TLN1: variants seen among roughly 807,000 people sequenced by gnomAD.
TLN1 encodes the protein talin 1, also known as talin-1.
In TLN1, 56 loss-of-function variants were observed where a neutral mutation model predicts 292.3. The ratio of observed to expected loss-of-function variants is 0.19; its 90% CI spans 0.15 to 0.24. The LOEUF (loss-of-function observed/expected upper bound fraction) is 0.24. Ranked by LOEUF, TLN1 falls within the 10% of genes least tolerant of loss-of-function variation. The pLI is 1.00. For missense variants in TLN1, 2,433 were observed against 3,248.2 expected (o/e 0.75, Z 6.10); for synonymous variants, 1,119 against 1,253.7 (o/e 0.89, Z 2.27).
Position 35,714,344 on chromosome 9 carries a change from C to T in TLN1, c.3015G>A (p.Lys1005=), listed in dbSNP as rs1489604053. ...QPGGKMVAAA[K]ASVPTIQDQA... ...GGTCCTGAATCGTTGGCACTGAGGC[C>T]TTTGCAGCTGCCACCATCTTCCCAC... Residue 1005 remains lysine (K), a synonymous_variant, in exon 24 of 57, where the codon AAG becomes AAA. Transcript: ENST00000314888. The surrounding 1 kb of genome is among the most constrained non-coding windows in gnomAD (Gnocchi z 4.6). 1.9e-6 allele frequency: 3 copies of T among 1,612,660 alleles called. No individual in the cohort carries two copies. The highest frequency in any genetic ancestry group is 2.2e-5 in the East Asian group (1 of 44,860).
Position 35,698,209 on chromosome 9 carries a change from G to A in TLN1, c.7372-37C>T, listed in dbSNP as rs1391593637. ...GAAAGTGGCCTAGGTTGAGAACTCA[G>A]GTACGGTCCCAGTTGAGACAGTACC... On this transcript the variant is annotated intron_variant, in intron 55 of 56. Coordinates refer to ENST00000314888, the MANE Select transcript of TLN1 (RefSeq NM_006289.4). This position sits in a 1 kb window ranked among gnomAD's most constrained non-coding sequence, Gnocchi z 5.3. 6.2e-7 allele frequency: 1 copy of A among 1,612,824 alleles called. No homozygotes were observed. The highest frequency in any genetic ancestry group is 1.3e-5 in the African/African-American group (1 of 74,904).
In TLN1 at chr9:35,724,511, T is replaced by C; in HGVS notation, c.511+61A>G. The C allele has an allele frequency of 6.3e-7, 1 of 1,586,490 alleles. No homozygotes were observed. Among genetic ancestry groups the C allele is most frequent in the East Asian group, 2.2e-5 (1 of 44,632 alleles). On this transcript the variant is annotated intron_variant, in intron 5 of 56. Coordinates refer to ENST00000314888, the MANE Select transcript of TLN1 (RefSeq NM_006289.4). This position sits in a 1 kb window ranked among gnomAD's most constrained non-coding sequence, Gnocchi z 4.7. ...TAAAACAGTGCCTGGCAGAAGCAGA[T>C]GCTGAAGCCCCTTCCCACCCTTCCC...
In TLN1 at chr9:35,717,119, T is replaced by C. The variant is rs1825799041; in HGVS notation, c.2458+27A>G. 1 of 1,569,520 alleles carries C rather than the reference T, an allele frequency of 6.4e-7. No homozygotes were observed. Among genetic ancestry groups the C allele is most frequent in the Non-Finnish European group, 8.7e-7 (1 of 1,152,942 alleles). On this transcript the variant is annotated intron_variant, in intron 19 of 56. Coordinates refer to ENST00000314888, the MANE Select transcript of TLN1 (RefSeq NM_006289.4). This position sits in a 1 kb window ranked among gnomAD's most constrained non-coding sequence, Gnocchi z 4.7. Reference sequence around the variant, plus strand: ...GCTTAGGGAACCCTGGTAGGGTTTTTTGTTTTCCTGGGGGTGCGTGTCTTA... The same window carrying C: ...GCTTAGGGAACCCTGGTAGGGTTTTCTGTTTTCCTGGGGGTGCGTGTCTTA...
rs1345707115 is a variant in TLN1 at position 35,723,748 on chromosome 9, AG to A, written c.782+203del. 7 of 679,522 alleles carry A rather than the reference AG, an allele frequency of 1.0e-5. No homozygotes were observed. In the African/African-American group the frequency reaches 1.3e-4, roughly 12 times the overall value. 42.1% of individuals were successfully genotyped at this position (679,522 alleles called of 1,614,324 possible). On this transcript the variant is annotated intron_variant, in intron 7 of 56. Transcript: ENST00000314888. ...TTGCTTCAGAGATGGGGGTAGGGGCAGAGATACTGAACTACATTCATATTCC... is the reference window on the plus strand; with the variant it reads ...TTGCTTCAGAGATGGGGGTAGGGGCAAGATACTGAACTACATTCATATTCC...
Position 35,720,805 on chromosome 9 carries a change from T to C in TLN1, c.1206+7A>G, listed in dbSNP as rs375878880. 614 of 1,613,170 alleles carry C rather than the reference T, an allele frequency of 3.8e-4. 4 individuals are homozygous for C. The Middle Eastern group carries it at 9.3e-3, about 24-fold the overall frequency. ...ATAAGGAGAAGGCTAGGGCAGGCAG[T>C]GCTCACCTTCTTCAGGATGATATCG... On this transcript the variant is annotated splice_region_variant and intron_variant, in intron 11 of 56. Transcript: ENST00000314888.
chr9:35,707,143 C>T lies in TLN1; in HGVS notation c.4884G>A (p.Pro1628=), dbSNP rs143916604. The change falls in exon 37 of 57, where the codon CCG becomes CCA. Residue 1628 remains proline (P), a synonymous_variant. Coordinates refer to ENST00000314888, the MANE Select transcript of TLN1 (RefSeq NM_006289.4). This position sits in a 1 kb window ranked among gnomAD's most constrained non-coding sequence, Gnocchi z 5.6. ...AGTGGCCGGCCAGCACCGACCAGCT[C>T]GGGGGGTCCCGGGGATTGACTGCGA... ...RALAVNPRDP[P]SWSVLAGHSR... is the part of the protein sequence containing the mutation. The T allele has an allele frequency of 1.4e-5, 22 of 1,610,274 alleles. No individual in the cohort carries two copies. The African/African-American group carries it at 1.7e-4, about 13-fold the overall frequency.
At position 35,699,773 on chromosome 9, in the gene TLN1, A is replaced by G; in HGVS notation, c.6768+201T>C. 1.2e-6 allele frequency: 1 copy of G among 841,970 alleles called. No homozygotes were observed. 52.2% of individuals were successfully genotyped at this position (841,970 alleles called of 1,614,324 possible). A position where few individuals can be genotyped will look rare whatever the true frequency, so the allele number is the denominator to read the frequency against. On this transcript the variant is annotated intron_variant, in intron 50 of 56. Transcript: ENST00000314888. This position sits in a 1 kb window ranked among gnomAD's most constrained non-coding sequence, Gnocchi z 4.0. ...AGAAAAGAAAAAGAGGAAGAGGAAG[A>G]GGTGACTGGGAGAACCAAAGATGAT...
chr9:35,706,172 C>T lies in TLN1; in HGVS notation c.5361+24G>A, dbSNP rs1325718044. 1 of 1,610,374 alleles carries T rather than the reference C, an allele frequency of 6.2e-7. No individual in the cohort carries two copies. ...TTCTCCAGCCTCCTGCTAGTAACAG[C>T]TCCTCCCTCCCAACCCTCAATACCT... On this transcript the variant is annotated intron_variant, in intron 40 of 56. Coordinates refer to ENST00000314888, the MANE Select transcript of TLN1 (RefSeq NM_006289.4). This position sits in a 1 kb window ranked among gnomAD's most constrained non-coding sequence, Gnocchi z 4.2.
In TLN1 at chr9:35,721,747, C is replaced by T. The variant is rs778932042; in HGVS notation, c.1005G>A (p.Glu335=). ...TCTTCTCATCCACTCGCATCACACACTCCTTGGTGATGCCCAGAAGCCTGG... is the reference window on the plus strand; with the variant it reads ...TCTTCTCATCCACTCGCATCACACATTCCTTGGTGATGCCCAGAAGCCTGG... ...LVPRLLGITK[E]CVMRVDEKTK... The change falls in exon 10 of 57, where the codon GAG becomes GAA. Residue 335 remains glutamate, a synonymous_variant. Coordinates refer to ENST00000314888, the MANE Select transcript of TLN1 (RefSeq NM_006289.4). The T allele has an allele frequency of 6.2e-7, 1 of 1,613,998 alleles. No homozygotes were observed. Among genetic ancestry groups the T allele is most frequent in the South Asian group, 1.1e-5 (1 of 91,088 alleles).
rs1825954078 is a variant in TLN1 at position 35,725,299 on chromosome 9, C to T, written c.153G>A (p.Leu51=). 5.6e-6 allele frequency: 9 copies of T among 1,613,998 alleles called. No homozygotes were observed. In the South Asian group the frequency reaches 6.6e-5, roughly 12 times the overall value. The change falls in exon 3 of 57, where the codon CTG becomes CTA. Residue 51 remains leucine (L), a synonymous_variant. Coordinates refer to ENST00000314888, the MANE Select transcript of TLN1 (RefSeq NM_006289.4). ...TACCCTTTTTGGGGTCATCATCTGA[C>T]AGAAAGAGCCCAAAGTCGCTGGCTA... is the stretch of plus-strand genomic sequence containing the variant. ...AGPPSDFGLF[L]SDDDPKKGIW...
In TLN1 at chr9:35,717,194, T is replaced by C. The variant is rs1162815949; in HGVS notation, c.2410A>G (p.Thr804Ala). 2 of 1,612,566 alleles carry C rather than the reference T, an allele frequency of 1.2e-6. No individual in the cohort carries two copies. Among genetic ancestry groups the C allele is most frequent in the African/African-American group, 2.7e-5 (2 of 74,890 alleles). The change falls in exon 19 of 57, where the codon ACC becomes GCC. Residue 804 changes from threonine (T) to alanine (A), a missense_variant. Thr to Ala is a moderately conservative substitution (Grantham distance 58, BLOSUM62 0). This residue lies in a region of TLN1 where 617 missense variants were observed against 770.6 expected (regional missense o/e 0.80). Transcript: ENST00000314888. The surrounding 1 kb of genome is among the most constrained non-coding windows in gnomAD (Gnocchi z 4.7). ...ATGTTCTCAGTGACGGTTAGGATGG[T>C]GTCAGTAGCCTGGTCATAACGGCCA... is the stretch of plus-strand genomic sequence containing the variant. ...PAGRYDQATD[T>A]ILTVTENIFS...
In TLN1 at chr9:35,699,843, C is replaced by T; in HGVS notation, c.6768+131G>A. On this transcript the variant is annotated intron_variant, in intron 50 of 56. Transcript: ENST00000314888. The surrounding 1 kb of genome is among the most constrained non-coding windows in gnomAD (Gnocchi z 4.0). ...AGAAAGGGAGACTTGGAAAGGAGAA[C>T]AGATTTGGGAAGTAGAGGGTGGGGT... The T allele has an allele frequency of 8.9e-7, 1 of 1,117,414 alleles. No homozygotes were observed. The highest frequency in any genetic ancestry group is 1.2e-6 in the Non-Finnish European group (1 of 812,386). 69.2% of individuals were successfully genotyped at this position (1,117,414 alleles called of 1,614,324 possible).
At position 35,708,329 on chromosome 9, in the gene TLN1, C is replaced by T. The variant is rs1825601803; in HGVS notation, c.4470+12G>A. The T allele has an allele frequency of 6.3e-7, 1 of 1,593,420 alleles. No homozygotes were observed. Among genetic ancestry groups the T allele is most frequent in the Non-Finnish European group, 8.6e-7 (1 of 1,168,282 alleles). Reference sequence around the variant, plus strand: ...CCCAGACTCGCCTGTGGTCCCTGTTCCCTTGAGTTACCTGGGCCTGGGTAC... The same window carrying T: ...CCCAGACTCGCCTGTGGTCCCTGTTTCCTTGAGTTACCTGGGCCTGGGTAC... On this transcript the variant is annotated intron_variant, in intron 34 of 56. Transcript: ENST00000314888.
At chr9:35,723,224 C>T in intron 7 of TLN1, 1 of 266,668 alleles carries the variant, frequency 3.7e-6, no homozygotes, top group Non-Finnish European at 7.3e-6. Context: ...GCCTCAGCCT[C>T]CCGAGTAGCT....
At position 35,717,341 on chromosome 9, in the gene TLN1, G is replaced by C; in HGVS notation, c.2263C>G (p.Gln755Glu). The C allele has an allele frequency of 1.2e-6, 2 of 1,614,146 alleles. No individual in the cohort carries two copies. The highest frequency in any genetic ancestry group is 1.7e-6 in the Non-Finnish European group (2 of 1,180,038). Residue 755 changes from glutamine (Q) to glutamate (E), a missense_variant, in exon 19 of 57, where the codon CAG (glutamine) becomes GAG (glutamate). Around this residue, in one of 7 missense-constraint regions of TLN1, gnomAD observed 617 missense variants for 770.6 expected, o/e 0.80. Coordinates refer to ENST00000314888, the MANE Select transcript of TLN1 (RefSeq NM_006289.4). The surrounding 1 kb of genome is among the most constrained non-coding windows in gnomAD (Gnocchi z 4.7). ...KAVEGCVSAS[Q>E]AATEDGQLLR... ...AGTTGCCCATCCTCTGTAGCTGCCT[G>C]GGAGGCAGACACACAGCCCTCCACG...
intron 3 of TLN1, 65 bp from the exon 4 acceptor site, chr9:35,725,024 C>T (rs1191978831): frequency 6.2e-7 from 1 of 1,608,610 alleles, no homozygotes; most frequent in Non-Finnish European, 8.5e-7. Context: ...CCTCTTTACA[C>T]AGCCCGAGGG....
intron 1 of TLN1, among the ~76,000 whole-genome samples, chr9:35,728,763 C>T (rs1826020885): frequency 6.6e-6 from 1 of 152,184 alleles, no homozygotes; most frequent in African/African-American, 2.4e-5. Context: ...TCTCCATTCA[C>T]CCAGCAAGCA....
In TLN1 at chr9:35,717,131, G is replaced by T. The variant is rs926132027; in HGVS notation, c.2458+15C>A. The T allele has an allele frequency of 6.3e-7, 1 of 1,579,094 alleles. No individual in the cohort carries two copies. On this transcript the variant is annotated intron_variant, in intron 19 of 56. Transcript: ENST00000314888. This position sits in a 1 kb window ranked among gnomAD's most constrained non-coding sequence, Gnocchi z 4.7. ...CTGGTAGGGTTTTTTGTTTTCCTGG[G>T]GGTGCGTGTCTTACCAGCATCACCC...
chr9:35,710,047 TAAAA>T (rs780739132), intron 33 of TLN1, among the ~76,000 whole-genome samples: 1 of 115,432 alleles, frequency 8.7e-6, no homozygotes, highest in Non-Finnish European at 1.8e-5. Flanking sequence ...CTGTCTTTAC[TAAAA>T]AAAAAAAAAA....
Sources: allele counts gnomAD v4.1 joint callset (sites outside exome capture counted in the v4.1 genomes callset), GRCh38; gene constraint gnomAD v4.1.1; regional missense constraint gnomAD v4.1.1; non-coding constraint Gnocchi (gnomAD v3.1); transcripts MANE v1.5; gene names NCBI Gene and HGNC (gene_info 2026-07-23, HGNC 2026-07-21).